The following NEGR1 variants were observed in gnomAD, a reference collection of about 807,000 sequenced individuals.
NEGR1 encodes IgLON family member 4.
A neutral mutation model predicts 40.9 loss-of-function variants in NEGR1; 10 were observed. That is an observed-to-expected ratio of 0.24 (90% CI 0.15 to 0.42). The LOEUF (loss-of-function observed/expected upper bound fraction) is 0.42. Ranked by LOEUF, NEGR1 falls within the 10% of genes least tolerant of loss-of-function variation. NEGR1 has a pLI of 1.00. For missense variants in NEGR1, 352 were observed against 438.9 expected (o/e 0.80, Z 1.77); for synonymous variants, 185 against 166.8 (o/e 1.11, Z -0.84).
intron 2 of NEGR1, among the ~76,000 whole-genome samples, chr1:71,777,363 A>C (rs914034683): frequency 6.6e-6 from 1 of 152,130 alleles, no homozygotes; most frequent in Non-Finnish European, 1.5e-5. Flanking sequence ...AGTGTTAGTC[A>C]TTATTATTAG....
chr1:71,773,405 G>C (rs529001002), intron 3 of NEGR1, among the ~76,000 whole-genome samples: 2 of 151,952 alleles, frequency 1.3e-5, no homozygotes, highest in Non-Finnish European at 2.9e-5. Flanking sequence ...CTGCTGTTTT[G>C]GGACACATTT....
chr1:71,974,953 G>A (rs1198085521), intron 1 of NEGR1, among the ~76,000 whole-genome samples: 3 of 152,044 alleles, frequency 2.0e-5, no homozygotes, highest in African/African-American at 7.2e-5. Flanking sequence ...CTACACTAAT[G>A]TACAGTGAGT....
At chr1:72,026,163 G>A (rs1481515286) in intron 1 of NEGR1, among the ~76,000 whole-genome samples, 1 of 144,722 alleles carries the variant, frequency 6.9e-6, no homozygotes, top group Non-Finnish European at 1.5e-5. Flanking sequence ...TAAAGCAGAT[G>A]GCTCATTGGA....
At chr1:71,806,360 A>G (rs1657770845) in intron 2 of NEGR1, among the ~76,000 whole-genome samples, 1 of 152,092 alleles carries the variant, frequency 6.6e-6, no homozygotes, top group Admixed American at 6.6e-5. Flanking sequence ...TAGGGCTTAA[A>G]ATGGTTAAAG....
chr1:72,049,668 G>T (rs1048803359), intron 1 of NEGR1, among the ~76,000 whole-genome samples: 3 of 151,516 alleles, frequency 2.0e-5, no homozygotes, highest in African/African-American at 7.3e-5. Context: ...ATAACCTTAA[G>T]CCAGGAAGCA....
At chr1:72,271,301 T>C (rs927931252) in intron 1 of NEGR1, among the ~76,000 whole-genome samples, 1 of 151,874 alleles carries the variant, frequency 6.6e-6, no homozygotes, top group Admixed American at 6.6e-5. Flanking sequence ...ACGATGTGAA[T>C]AGGTTCTTGG....
At chr1:72,044,072 T>C (rs765503803) in intron 1 of NEGR1, among the ~76,000 whole-genome samples, 2 of 151,788 alleles carry the variant, frequency 1.3e-5, no homozygotes, top group African/African-American at 2.4e-5. Context: ...CCCATACCAA[T>C]CTGTATGCAG....
intron 4 of NEGR1, among the ~76,000 whole-genome samples, chr1:71,619,270 A>G (rs1344437695): frequency 2.6e-5 from 4 of 152,082 alleles, no homozygotes; most frequent in Non-Finnish European, 4.4e-5. Context: ...AAGATGATCA[A>G]ATGAAAAAAT....
chr1:71,900,419 C>A (rs1362038642), intron 2 of NEGR1, among the ~76,000 whole-genome samples: 1 of 151,956 alleles, frequency 6.6e-6, no homozygotes, highest in African/African-American at 2.4e-5. Flanking sequence ...TATTGAATTG[C>A]CCAATTATTT....
chr1:71,791,808 T>A (rs1657129286), intron 2 of NEGR1, among the ~76,000 whole-genome samples: 1 of 151,980 alleles, frequency 6.6e-6, no homozygotes, highest in South Asian at 2.1e-4. Flanking sequence ...TGGAAGTAGG[T>A]AGAGGAAGGG....
At chr1:71,424,412 C>G (rs1181331179) in intron 6 of NEGR1, among the ~76,000 whole-genome samples, 1 of 152,174 alleles carries the variant, frequency 6.6e-6, no homozygotes, top group African/African-American at 2.4e-5. Context: ...GGAGATAATG[C>G]ACCATGGTCA....
At chr1:71,973,693 A>T (rs1395157880) in intron 1 of NEGR1, among the ~76,000 whole-genome samples, 3 of 152,210 alleles carry the variant, frequency 2.0e-5, no homozygotes, top group Non-Finnish European at 4.4e-5. Context: ...GATAAAAACC[A>T]GATACTAAAT....
intron 2 of NEGR1, among the ~76,000 whole-genome samples, chr1:71,850,007 G>C (rs1370445256): frequency 6.6e-6 from 1 of 152,018 alleles, no homozygotes; most frequent in Admixed American, 6.6e-5. Context: ...AAACAAACTG[G>C]CAATGTCTCC....
chr1:72,064,377 C>G (rs1647227195), intron 1 of NEGR1, among the ~76,000 whole-genome samples: 1 of 151,976 alleles, frequency 6.6e-6, no homozygotes, highest in African/African-American at 2.4e-5. Flanking sequence ...AGCTGAGGAT[C>G]CTTTACCTCT....
At chr1:72,077,955 T>G (rs1299434726) in intron 1 of NEGR1, among the ~76,000 whole-genome samples, 1 of 152,166 alleles carries the variant, frequency 6.6e-6, no homozygotes, top group Non-Finnish European at 1.5e-5. Flanking sequence ...AATTGTAGTA[T>G]AGTAAATAAT....
At chr1:71,652,043 T>C (rs1651735135) in intron 4 of NEGR1, among the ~76,000 whole-genome samples, 2 of 152,148 alleles carry the variant, frequency 1.3e-5, no homozygotes, top group South Asian at 2.1e-4. Context: ...ATTTGTATTT[T>C]ACAACTAGAG....
At chr1:71,991,147 T>C (rs774163154) in intron 1 of NEGR1, among the ~76,000 whole-genome samples, 14 of 152,132 alleles carry the variant, frequency 9.2e-5, no homozygotes, top group Non-Finnish European at 1.9e-4. Flanking sequence ...TGGTCATAAA[T>C]GCTTACAAGG....
intron 1 of NEGR1, among the ~76,000 whole-genome samples, chr1:72,246,531 T>A (rs1370659890): frequency 6.6e-6 from 1 of 152,246 alleles, no homozygotes; most frequent in Non-Finnish European, 1.5e-5. Flanking sequence ...CTCTGTAAAC[T>A]TTGACCACCT....
chr1:71,627,378 T>C (rs1650821550), intron 4 of NEGR1, among the ~76,000 whole-genome samples: 1 of 152,064 alleles, frequency 6.6e-6, no homozygotes, highest in South Asian at 2.1e-4. Context: ...TAAAATACTA[T>C]ATATCTGGGC....
Sources: allele counts gnomAD v4.1 joint callset (sites outside exome capture counted in the v4.1 genomes callset), GRCh38; gene constraint gnomAD v4.1.1; transcripts MANE v1.5; gene names NCBI Gene and HGNC (gene_info 2026-07-23, HGNC 2026-07-21).